The following OPCML variants were observed in gnomAD, a reference collection of about 807,000 sequenced individuals.
The protein encoded by OPCML is opioid binding protein/cell adhesion molecule like, also known as opioid-binding protein/cell adhesion molecule.
In OPCML, 13 loss-of-function variants were observed where a neutral mutation model predicts 37.8. The observed-to-expected ratio is 0.34, with a 90% CI of 0.22 to 0.55. OPCML has a LOEUF of 0.55. Among genes scored for constraint, OPCML ranks in the 20% least tolerant of loss-of-function variants. OPCML has a pLI of 0.91. For missense variants in OPCML, 341 were observed against 435.6 expected (o/e 0.78, Z 1.93); for synonymous variants, 176 against 168.8 (o/e 1.04, Z -0.33).
rs1262684562 is a variant in OPCML at position 132,969,384 on chromosome 11, C to T, written c.62-26374G>A. Among the ~76,000 whole-genome samples the T allele has an allele frequency of 3.3e-5, 5 of 152,096 alleles. No homozygotes were observed. In the East Asian group the frequency reaches 9.6e-4, roughly 29 times the overall value. On this transcript the variant is annotated intron_variant, in intron 1 of 7. Coordinates refer to ENST00000524381, the MANE Select transcript of OPCML (RefSeq NM_001012393.5). ...TTGTTTTTGTCTTTCAACCTTTTCC[C>T]TATGATGCTTATGGGTGTGGATGTT...
intron 4 of OPCML, among the ~76,000 whole-genome samples, chr11:132,441,167 T>TG (rs2096032206): frequency 9.0e-6 from 1 of 111,014 alleles, no homozygotes; most frequent in African/African-American, 3.6e-5. Flanking sequence ...ACTTTTTTGT[T>TG]TTTTTTTTTT....
At chr11:133,363,222 A>T (rs1243959156) in intron 1 of OPCML, among the ~76,000 whole-genome samples, 1 of 152,190 alleles carries the variant, frequency 6.6e-6, no homozygotes, top group East Asian at 1.9e-4. Flanking sequence ...ACTGGGCTCC[A>T]CTTTGCTACT....
intron 2 of OPCML, chr11:132,772,910 C>T (rs1472314662): frequency 6.6e-6 from 1 of 152,056 alleles, no homozygotes; most frequent in African/African-American, 2.4e-5. Flanking sequence ...CTCCTCTGGT[C>T]GCCGAATACC....
chr11:132,573,253 C>A (rs2096442660), intron 3 of OPCML, among the ~76,000 whole-genome samples: 1 of 151,656 alleles, frequency 6.6e-6, no homozygotes, highest in African/African-American at 2.4e-5. Context: ...TCTAATTTCT[C>A]TTGCTGTTAT....
At chr11:132,755,851 G>A (rs1946024718) in intron 2 of OPCML, among the ~76,000 whole-genome samples, 1 of 152,174 alleles carries the variant, frequency 6.6e-6, no homozygotes, top group African/African-American at 2.4e-5. Context: ...CCAGAGTGTG[G>A]CTAATGCTGG....
intron 1 of OPCML, among the ~76,000 whole-genome samples, chr11:133,242,563 G>C (rs745602747): frequency 6.6e-6 from 1 of 152,112 alleles, no homozygotes. Context: ...GGTGCCTCCT[G>C]GTGCCTCTCC....
At chr11:132,726,951 C>A (rs1019161586) in intron 2 of OPCML, among the ~76,000 whole-genome samples, 1 of 152,118 alleles carries the variant, frequency 6.6e-6, no homozygotes, top group Non-Finnish European at 1.5e-5. Context: ...GTTTTAATGT[C>A]TTTTATCTAT....
chr11:133,482,269 T>C (rs955050673), intron 1 of OPCML, among the ~76,000 whole-genome samples: 4 of 151,996 alleles, frequency 2.6e-5, no homozygotes, highest in Admixed American at 2.6e-4. Context: ...GAAGAGAACA[T>C]CTGAGAGGAA....
At chr11:133,202,544 C>T (rs1048290063) in intron 1 of OPCML, among the ~76,000 whole-genome samples, 1 of 152,222 alleles carries the variant, frequency 6.6e-6, no homozygotes, top group African/African-American at 2.4e-5. Flanking sequence ...AAAGGCAGAA[C>T]AGTCTCGCCC....
At chr11:132,852,224 C>T (rs997913786) in intron 2 of OPCML, among the ~76,000 whole-genome samples, 1 of 152,076 alleles carries the variant, frequency 6.6e-6, no homozygotes, top group Non-Finnish European at 1.5e-5. Context: ...CCTAGCTAGG[C>T]CCACATTTTT....
chr11:133,196,987 C>T (rs189760980), intron 1 of OPCML, among the ~76,000 whole-genome samples: 8 of 152,284 alleles, frequency 5.3e-5, no homozygotes, highest in African/African-American at 1.4e-4. Context: ...GACCGCAAAA[C>T]CAAGGAAGCC....
intron 2 of OPCML, among the ~76,000 whole-genome samples, chr11:132,731,143 G>T (rs572077666): frequency 2.6e-5 from 4 of 152,298 alleles, no homozygotes; most frequent in African/African-American, 9.6e-5. Flanking sequence ...TGGATAGGGT[G>T]ATTAAGAAAG....
rs553826153 is a variant in OPCML, at chr11:133,122,321, G to A, written c.62-179311C>T. 1.7e-3 allele frequency among the ~76,000 whole-genome samples: 261 copies of A among 151,684 alleles called. 3 individuals are homozygous for A. Among genetic ancestry groups the A allele is most frequent in the African/African-American group, 6.1e-3 (253 of 41,480 alleles). ...GGGGAGCAGTGGCTAATCTTCTTGG[G>A]ACTTCCTGTTTTTAATCCATAGTAA... On this transcript the variant is annotated intron_variant, in intron 1 of 7. Coordinates refer to ENST00000524381, the MANE Select transcript of OPCML (RefSeq NM_001012393.5).
At chr11:132,744,332 C>T (rs576402420) in intron 2 of OPCML, among the ~76,000 whole-genome samples, 14 of 152,306 alleles carry the variant, frequency 9.2e-5, no homozygotes, top group Admixed American at 6.5e-4. Flanking sequence ...CTGTCTCCCC[C>T]TCATTACTTT....
At chr11:133,250,995 A>G (rs1414544594) in intron 1 of OPCML, among the ~76,000 whole-genome samples, 2 of 152,046 alleles carry the variant, frequency 1.3e-5, no homozygotes, top group Non-Finnish European at 2.9e-5. Context: ...GGGCTGAAGG[A>G]CTCCGGCATG....
intron 1 of OPCML, among the ~76,000 whole-genome samples, chr11:133,440,218 G>A (rs987146086): frequency 6.6e-5 from 10 of 151,674 alleles, no homozygotes; most frequent in South Asian, 4.2e-4. Flanking sequence ...AACTAATGGC[G>A]AAACCCCATC....
chr11:132,502,302 C>T (rs1198426321), intron 4 of OPCML, among the ~76,000 whole-genome samples: 1 of 152,176 alleles, frequency 6.6e-6, no homozygotes, highest in African/African-American at 2.4e-5. Context: ...TTTTTACTTT[C>T]TCTTTTTTCT....
At chr11:133,214,006 T>C (rs925768686) in intron 1 of OPCML, among the ~76,000 whole-genome samples, 4 of 152,204 alleles carry the variant, frequency 2.6e-5, no homozygotes, top group Non-Finnish European at 5.9e-5. Context: ...GTTAAATGTT[T>C]GTGATGTGAG....
intron 1 of OPCML, among the ~76,000 whole-genome samples, chr11:133,394,021 T>C (rs1945232705): frequency 6.6e-6 from 1 of 152,200 alleles, no homozygotes; most frequent in African/African-American, 2.4e-5. Flanking sequence ...TGCCCTCCAC[T>C]GTACCCCCAT....
Sources: gnomAD v4.1 joint callset for allele counts (sites outside exome capture counted in the v4.1 genomes callset) on GRCh38, gnomAD v4.1.1 for gene constraint, MANE v1.5 for transcripts, NCBI Gene and HGNC (gene_info 2026-07-23, HGNC 2026-07-21) for gene names.